HERC2: variants seen among roughly 807,000 people sequenced by gnomAD.
HERC2 encodes HECT and RLD domain containing E3 ubiquitin protein ligase 2.
A neutral mutation model predicts 537.7 loss-of-function variants in HERC2; 102 were observed. That is an observed-to-expected ratio of 0.19 (90% CI 0.16 to 0.22). The LOEUF is 0.22. HERC2 is among the 10% of genes least tolerant of loss of function. HERC2 has a pLI of 1.00. For synonymous variants in HERC2, 2,224 were observed against 2,466.2 expected (o/e 0.90, Z 2.91); for missense variants, 4,236 against 6,198.2 (o/e 0.68, Z 10.63).
At chr15:28,130,646 C>T (rs1890013654) in intron 81 of HERC2, 52 bp from the exon 82 acceptor site, 1 of 1,202,572 alleles carries the variant, frequency 8.3e-7, no homozygotes, top group South Asian at 1.2e-5. Flanking sequence ...CTCCTGCTGA[C>T]TGCTATAACC....
In HERC2 at chr15:28,143,915, T is replaced by A. The variant is rs759460544; in HGVS notation, c.11376A>T (p.Ile3792=). Residue 3792 remains isoleucine, a synonymous_variant, in exon 74 of 93, where the codon ATA becomes ATT. Transcript: ENST00000261609. The part of the protein sequence containing the change: ...LTTEFGQSIN[I]NRLLGENDGE... ...CATCATTTTCTCCAAGCAGCCTATT[T>A]ATGTTAATTGACTGCCCAAATTCAG... 5.6e-6 allele frequency: 9 copies of A among 1,613,972 alleles called. No homozygotes were observed. The East Asian group carries it at 1.8e-4, about 32-fold the overall frequency.
At chr15:28,174,355 C>T in intron 65 of HERC2, 40 bp downstream of exon 65, 1 of 1,478,290 alleles carries the variant, frequency 6.8e-7, no homozygotes, top group African/African-American at 1.4e-5. Flanking sequence ...TTGCTGTAAA[C>T]CTACAGAAAA....
chr15:28,221,923 T>C, intron 36 of HERC2, 105 bp downstream of exon 36: 2 of 959,164 alleles, frequency 2.1e-6, no homozygotes. Flanking sequence ...ATCAATCAAC[T>C]GACACATCCT....
intron 2 of HERC2, among the ~76,000 whole-genome samples, chr15:28,308,765 T>TG (rs1480644943): frequency 4.6e-5 from 7 of 152,268 alleles, no homozygotes; most frequent in Non-Finnish European, 7.3e-5. Context: ...GAAAGGATGT[T>TG]GAATTTTATC....
chr15:28,214,562 A>C, intron 40 of HERC2, 93 bp downstream of exon 40: 1 of 1,473,720 alleles, frequency 6.8e-7, no homozygotes, highest in Non-Finnish European at 9.4e-7. Context: ...GCCGCTCTTC[A>C]CCAGGGCACA....
chr15:28,150,642 C>T (rs149962152), intron 70 of HERC2, among the ~76,000 whole-genome samples: 162 of 149,072 alleles, frequency 1.1e-3, no homozygotes, highest in African/African-American at 3.9e-3. Context: ...AAAACACACA[C>T]GGCTCCTAAC....
Position 28,144,160 on chromosome 15 carries a change from A to G in HERC2, c.11216T>C (p.Phe3739Ser), listed in dbSNP as rs183106063. Residue 3739 changes from phenylalanine (F) to serine (S), a missense_variant, in exon 73 of 93, where the codon TTC (phenylalanine) becomes TCC (serine). Phe to Ser is a radical substitution (Grantham distance 155). Transcript: ENST00000261609. ...TCTGTTAGAGGCAAGGTTGAGTCGG[A>G]AGTCTAACAGACACGTCACCAAGTC... ...SMDLVTCLLD[F>S]RLNLASNRSI... 6.2e-7 allele frequency: 1 copy of G among 1,614,226 alleles called. No individual in the cohort carries two copies. The highest frequency in any genetic ancestry group is 8.5e-7 in the Non-Finnish European group (1 of 1,180,052).
intron 66 of HERC2, 103 bp downstream of exon 66, chr15:28,169,381 A>G (rs1894469206): frequency 1.2e-6 from 1 of 818,650 alleles, no homozygotes; most frequent in Admixed American, 2.8e-5. Context: ...AAAGACAATA[A>G]TACAACATTC....
rs1185992541 is a variant in HERC2, at chr15:28,122,142, A to G, written c.13189-713T>C. On this transcript the variant is annotated intron_variant, in intron 85 of 92. Transcript: ENST00000261609. The surrounding 1 kb of genome is among the most constrained non-coding windows in gnomAD (Gnocchi z 4.1). ...GAAACAAGGTCCTGGCTGGGATCAC[A>G]CTAAAAGAAATCGGGAGTGCCTGGG... is the stretch of plus-strand genomic sequence containing the variant. Among the ~76,000 whole-genome samples, 1 of 152,214 alleles carries G rather than the reference A, an allele frequency of 6.6e-6. No individual in the cohort carries two copies. Among genetic ancestry groups the G allele is most frequent in the African/African-American group, 2.4e-5 (1 of 41,458 alleles).
At chr15:28,274,473 G>T in intron 6 of HERC2, 26 bp from the exon 7 acceptor site, 1 of 1,581,144 alleles carries the variant, frequency 6.3e-7, no homozygotes. Context: ...CGTCAGAGGA[G>T]CCCCCCCACT....
chr15:28,246,705 A>C (rs1903744544), intron 22 of HERC2, 37 bp downstream of exon 22: 1 of 1,505,620 alleles, frequency 6.6e-7, no homozygotes, highest in Non-Finnish European at 8.9e-7. Context: ...TCTATCTCCT[A>C]AAATAAACAT....
At chr15:28,286,444 T>C (rs113745151) in intron 4 of HERC2, among the ~76,000 whole-genome samples, 326 of 152,238 alleles carry the variant, frequency 2.1e-3, no homozygotes, top group African/African-American at 7.4e-3. Context: ...TCCAGGAATG[T>C]AAAGTGGGTT....
At chr15:28,145,636 T>C (rs1596045587) in intron 71 of HERC2, among the ~76,000 whole-genome samples, 1 of 152,230 alleles carries the variant, frequency 6.6e-6, no homozygotes, top group African/African-American at 2.4e-5. Context: ...CATGTTGTTA[T>C]GACAGAGGCT....
At position 28,311,009 on chromosome 15, in the gene HERC2, G is replaced by A. The variant is rs1416698240; in HGVS notation, c.72+10353C>T. On this transcript the variant is annotated intron_variant, in intron 2 of 92. Coordinates refer to ENST00000261609, the MANE Select transcript of HERC2 (RefSeq NM_004667.6). ...AGGGAATTGTTTGAACCTGGGAGGC[G>A]GACGTTGCAGTGAGTGGAGATCGCA... Among the ~76,000 whole-genome samples, 10 of 146,736 alleles carry A rather than the reference G, an allele frequency of 6.8e-5. No individual in the cohort carries two copies. The East Asian group carries it at 7.9e-4, about 12-fold the overall frequency.
intron 4 of HERC2, among the ~76,000 whole-genome samples, chr15:28,287,836 G>A (rs1163895369): frequency 6.7e-6 from 1 of 148,830 alleles, no homozygotes; most frequent in Non-Finnish European, 1.5e-5. Flanking sequence ...CCATTCTCCT[G>A]CCTGAGCTTC....
intron 55 of HERC2, among the ~76,000 whole-genome samples, chr15:28,187,658 A>G (rs980225960): frequency 3.3e-5 from 5 of 152,154 alleles, no homozygotes; most frequent in African/African-American, 1.2e-4. Context: ...TTTGAAAAAC[A>G]TATCCGCATT....
chr15:28,271,960 T>A (rs2075741965), intron 9 of HERC2: 1 of 511,920 alleles, frequency 2.0e-6, no homozygotes, highest in South Asian at 3.3e-5. Flanking sequence ...ATTTTCGTTG[T>A]TCTTTTCTGG....
At chr15:28,310,273 A>G (rs111273106) in intron 2 of HERC2, among the ~76,000 whole-genome samples, 201 of 152,200 alleles carry the variant, frequency 1.3e-3, no homozygotes, top group African/African-American at 4.3e-3. Flanking sequence ...TGGCAAAACC[A>G]CATTTCTACC....
At position 28,283,292 on chromosome 15, in the gene HERC2, A is replaced by G. The variant is rs529943698; in HGVS notation, c.323-3005T>C. 1.2e-3 allele frequency among the ~76,000 whole-genome samples: 189 copies of G among 152,346 alleles called. 1 individual carries two copies. Among genetic ancestry groups the G allele is most frequent in the African/African-American group, 4.4e-3 (181 of 41,590 alleles). On this transcript the variant is annotated intron_variant, in intron 4 of 92. Coordinates refer to ENST00000261609, the MANE Select transcript of HERC2 (RefSeq NM_004667.6). ...ATCAAACTCCAAAAAACAAAAGACA[A>G]AACATTTCAAAAGCCACTAAACAAA...
Sources: gnomAD v4.1 joint callset for allele counts (sites outside exome capture counted in the v4.1 genomes callset) on GRCh38, gnomAD v4.1.1 for gene constraint, Gnocchi (gnomAD v3.1) non-coding constraint, MANE v1.5 for transcripts, NCBI Gene and HGNC (gene_info 2026-07-23, HGNC 2026-07-21) for gene names.